Variants in GALNT14 observed in about 807,000 individuals in gnomAD.
GALNT14 encodes UDP-GalNAc:polypeptide N-acetylgalactosaminyltransferase 14.
Under a neutral mutation model 77.5 loss-of-function variants are expected in GALNT14, and 60 were observed. The observed-to-expected ratio is 0.77, with a 90% CI of 0.63 to 0.96. GALNT14 has a LOEUF of 0.96. GALNT14 is among the 40% of genes least tolerant of loss of function. The pLI, the probability that GALNT14 is intolerant of heterozygous loss-of-function variation, is 0.00. For missense variants in GALNT14, 710 were observed against 731.0 expected, an observed-to-expected ratio of 0.97 and a Z score of 0.33; for synonymous variants, 280 against 281.7, an observed-to-expected ratio of 0.99 and a Z score of 0.06.
chr2:30,928,564 T>C (rs1460887894), intron 11 of GALNT14, among the ~76,000 whole-genome samples: 1 of 152,168 alleles, frequency 6.6e-6, no homozygotes, highest in Non-Finnish European at 1.5e-5. Context: ...GGAGGATTAA[T>C]GAGATGCCTT....
chr2:31,014,048 C>T (rs1011321510), intron 1 of GALNT14, among the ~76,000 whole-genome samples: 12 of 152,230 alleles, frequency 7.9e-5, no homozygotes, highest in African/African-American at 2.9e-4. Context: ...ACTGGCTCCA[C>T]TGCTTACTGT....
At chr2:30,892,681 G>C in the GALNT14 span, among the ~76,000 whole-genome samples, 22 of 152,158 alleles carry the variant, frequency 1.4e-4, no homozygotes, top group Admixed American at 7.9e-4. Flanking sequence ...TAAGCTCAGG[G>C]TTCCTTTCTT....
At chr2:31,120,100 G>A (rs949817420) in intron 1 of GALNT14, among the ~76,000 whole-genome samples, 7 of 72,138 alleles carry the variant, frequency 9.7e-5, no homozygotes, top group African/African-American at 2.4e-4. Context: ...AGCTTGCAGT[G>A]AGCCGAGATC....
At chr2:30,895,422 C>T in the GALNT14 span, among the ~76,000 whole-genome samples, 3 of 152,178 alleles carry the variant, frequency 2.0e-5, no homozygotes, top group Non-Finnish European at 4.4e-5. Context: ...AAAGGGGATG[C>T]CTGCCTCCCA....
chr2:31,118,650 G>C (rs1238227769), intron 1 of GALNT14, among the ~76,000 whole-genome samples: 1 of 152,112 alleles, frequency 6.6e-6, no homozygotes, highest in Admixed American at 6.5e-5. Flanking sequence ...TCAAAATCAA[G>C]AGAGTCCTTA....
chr2:30,994,977 C>A (rs1669934054), intron 1 of GALNT14, among the ~76,000 whole-genome samples: 1 of 152,066 alleles, frequency 6.6e-6, no homozygotes, highest in Admixed American at 6.6e-5. Flanking sequence ...GGGACAGCTT[C>A]TTGAGTAAGG....
rs557214531 is a variant in GALNT14 at position 31,111,752 on chromosome 2, A to AT, written c.129+26205dup. ...AGGTAAACAGACATTTGCTTAAAAC[A>AT]TTTTTTTTTTCACACAAAGGTCCTT... On this transcript the variant is annotated intron_variant, in intron 1 of 14. Coordinates refer to ENST00000349752, the MANE Select transcript of GALNT14 (RefSeq NM_024572.4). Among the ~76,000 whole-genome samples the AT allele has an allele frequency of 8.9e-3, 1,327 of 148,786 alleles. 6 individuals carry two copies. The highest frequency in any genetic ancestry group is 0.013 in the Non-Finnish European group (868 of 66,948).
At chr2:31,056,493 C>A (rs1186931774) in intron 1 of GALNT14, among the ~76,000 whole-genome samples, 1 of 152,112 alleles carries the variant, frequency 6.6e-6, no homozygotes, top group Non-Finnish European at 1.5e-5. Context: ...ACATTATGAC[C>A]CAGATCACTG....
At chr2:30,945,023 T>G (rs1387400779) in intron 7 of GALNT14, 81 bp from the exon 8 acceptor site, 1 of 1,255,224 alleles carries the variant, frequency 8.0e-7, no homozygotes, top group African/African-American at 1.5e-5. Context: ...AGGTCATGAA[T>G]GTACCCAGGT....
At chr2:30,894,051 C>T in the GALNT14 span, among the ~76,000 whole-genome samples, 7 of 152,108 alleles carry the variant, frequency 4.6e-5, no homozygotes, top group Non-Finnish European at 1.0e-4. Context: ...GAACAGGGGC[C>T]GAAAAGGAAA....
chr2:31,128,125 C>A (rs530934444), intron 1 of GALNT14, among the ~76,000 whole-genome samples: 10 of 152,214 alleles, frequency 6.6e-5, no homozygotes. Flanking sequence ...CCTGATCTTA[C>A]GCTTTCCTAA....
chr2:31,051,167 C>T (rs1002647982), intron 1 of GALNT14, among the ~76,000 whole-genome samples: 1 of 152,146 alleles, frequency 6.6e-6, no homozygotes, highest in Admixed American at 6.5e-5. Flanking sequence ...CTCATGCAGG[C>T]AACAGTCAGG....
At chr2:31,029,924 G>A (rs573998264) in intron 1 of GALNT14, among the ~76,000 whole-genome samples, 1 of 152,200 alleles carries the variant, frequency 6.6e-6, no homozygotes. Flanking sequence ...GGCTGAGTTC[G>A]AGAATTTGAG....
intron 11 of GALNT14, among the ~76,000 whole-genome samples, chr2:30,926,194 C>T (rs1665367058): frequency 6.6e-6 from 1 of 152,154 alleles, no homozygotes; most frequent in African/African-American, 2.4e-5. Context: ...GGGTGTTTAG[C>T]AAGGGCCTGT....
At chr2:30,931,340 G>A (rs1665713492) in intron 10 of GALNT14, among the ~76,000 whole-genome samples, 1 of 152,178 alleles carries the variant, frequency 6.6e-6, no homozygotes, top group African/African-American at 2.4e-5. Context: ...TAGAGGGTGG[G>A]GGAAAGAGAG....
chr2:31,126,001 C>G (rs1484922405), intron 1 of GALNT14, among the ~76,000 whole-genome samples: 8 of 152,166 alleles, frequency 5.3e-5, no homozygotes, highest in Admixed American at 4.6e-4. Flanking sequence ...TTGGAGACTT[C>G]CTTTTTTAAA....
intron 1 of GALNT14, among the ~76,000 whole-genome samples, chr2:31,001,685 A>G (rs1051137226): frequency 6.6e-5 from 10 of 152,156 alleles, no homozygotes; most frequent in African/African-American, 2.2e-4. Flanking sequence ...CAAGTCTACA[A>G]TGTAAGAATC....
intron 1 of GALNT14, among the ~76,000 whole-genome samples, chr2:31,025,429 A>C (rs1312499564): frequency 6.6e-6 from 1 of 152,072 alleles, no homozygotes; most frequent in Non-Finnish European, 1.5e-5. Flanking sequence ...GCATAGGGAG[A>C]TGGATGGGGA....
At chr2:30,918,155 TTTTC>T (rs1664798841) in intron 13 of GALNT14, among the ~76,000 whole-genome samples, 1 of 152,236 alleles carries the variant, frequency 6.6e-6, no homozygotes, top group Admixed American at 6.5e-5. Flanking sequence ...TTTTGGGGTC[TTTTC>T]TTTATTTCCA....
Sources: gnomAD v4.1 joint callset for allele counts (sites outside exome capture counted in the v4.1 genomes callset) on GRCh38, gnomAD v4.1.1 for gene constraint, MANE v1.5 for transcripts, NCBI Gene and HGNC (gene_info 2026-07-23, HGNC 2026-07-21) for gene names.